Variants in CENPK observed in about 807,000 individuals in gnomAD.
CENPK encodes centromere protein K.
In CENPK, 46 loss-of-function variants were observed where a neutral mutation model predicts 40.9. That is an observed-to-expected ratio of 1.13 (90% CI 0.89 to 1.44). The LOEUF is 1.44. Ranked by LOEUF, CENPK falls within the 40% of genes most tolerant of loss-of-function variation. The probability of loss-of-function intolerance (pLI) is 0.00; values close to 1 mark genes in which losing one functional copy is unlikely to be tolerated. For missense variants in CENPK, 288 were observed against 303.5 expected (o/e 0.95, Z 0.38); for synonymous variants, 107 against 104.4 (o/e 1.02, Z -0.15).
chr5:65,548,383 T>C (rs1193092296), intron 5 of CENPK, among the ~76,000 whole-genome samples: 1 of 152,224 alleles, frequency 6.6e-6, no homozygotes, highest in East Asian at 1.9e-4. Flanking sequence ...TGTAATGTTT[T>C]GCTGGTGGAA....
chr5:65,504,991 T>C, the CENPK span, among the ~76,000 whole-genome samples: 164 of 152,298 alleles, frequency 1.1e-3, 1 homozygote, highest in Non-Finnish European at 2.0e-3. Flanking sequence ...TCATAGAATA[T>C]AGTGAATAGT....
chr5:65,514,347 T>G (rs1229256558), downstream of CENPK, among the ~76,000 whole-genome samples: 1 of 140,932 alleles, frequency 7.1e-6, no homozygotes, highest in East Asian at 2.3e-4. Context: ...CACTGCAACC[T>G]CCCCATCCCA....
chr5:65,552,424 C>A, intron 4 of CENPK, 69 bp downstream of exon 4: 1 of 963,332 alleles, frequency 1.0e-6, no homozygotes. Context: ...TACAGACACA[C>A]ATATTTATTT....
intron 2 of CENPK, among the ~76,000 whole-genome samples, chr5:65,559,287 C>T (rs1751512756): frequency 6.6e-6 from 1 of 152,178 alleles, no homozygotes. Context: ...AACCAAAATC[C>T]TGAAAGTTTT....
intron 5 of CENPK, among the ~76,000 whole-genome samples, chr5:65,545,964 A>C (rs1193091200): frequency 1.3e-5 from 2 of 152,232 alleles, no homozygotes; most frequent in Non-Finnish European, 2.9e-5. Flanking sequence ...AAGATTGAGA[A>C]AATGTTGATA....
intron 2 of CENPK, among the ~76,000 whole-genome samples, chr5:65,559,630 G>GA (rs1166225346): frequency 0.012 from 466 of 37,664 alleles, 6 homozygotes; most frequent in African/African-American, 0.032. Flanking sequence ...CTCCGTCTCA[G>GA]AAAAAAAAAA....
At chr5:65,520,469 A>G (rs372727405) in intron 10 of CENPK, among the ~76,000 whole-genome samples, 72 of 152,300 alleles carry the variant, frequency 4.7e-4, no homozygotes, top group African/African-American at 1.7e-3. Flanking sequence ...AAAATTATAC[A>G]TGTAATACCT....
intron 6 of CENPK, among the ~76,000 whole-genome samples, chr5:65,538,776 G>T (rs1438165191): frequency 3.3e-5 from 5 of 152,134 alleles, no homozygotes; most frequent in Admixed American, 2.0e-4. Context: ...TGAGTCAAGA[G>T]CCTCACTAGT....
chr5:65,551,573 T>C lies in CENPK; in HGVS notation c.232A>G (p.Thr78Ala), dbSNP rs549718297. Residue 78 changes from threonine to alanine, a missense_variant, in exon 5 of 11, where the codon ACA becomes GCA. Coordinates refer to ENST00000396679, the MANE Select transcript of CENPK (RefSeq NM_022145.5). ...AAAATAAGAATCTTACTTTCAGGTG[T>C]TTTTTTCTGCCATTGACTGAGTTCA... is the stretch of plus-strand genomic sequence containing the variant. The part of the protein sequence containing the change: ...TAELSQWQKK[T>A]PETIPLTEDV... 83 of 1,542,208 alleles carry C rather than the reference T, an allele frequency of 5.4e-5. 2 individuals are homozygous for C. In the South Asian group the frequency reaches 1.0e-3, roughly 19 times the overall value.
intron 5 of CENPK, among the ~76,000 whole-genome samples, chr5:65,546,018 T>C (rs1748877261): frequency 6.6e-6 from 1 of 152,248 alleles, no homozygotes; most frequent in African/African-American, 2.4e-5. Flanking sequence ...TAACTCTCTA[T>C]ATATGTATTT....
At chr5:65,519,557 T>C (rs573542747) in intron 10 of CENPK, among the ~76,000 whole-genome samples, 51 of 152,296 alleles carry the variant, frequency 3.3e-4, no homozygotes, top group African/African-American at 1.1e-3. Flanking sequence ...TATCTCTGAA[T>C]TGTCAGGCCA....
chr5:65,546,170 C>T (rs1351943990), intron 5 of CENPK, among the ~76,000 whole-genome samples: 3 of 152,216 alleles, frequency 2.0e-5, no homozygotes, highest in Non-Finnish European at 4.4e-5. Flanking sequence ...CAGTAGGACT[C>T]GATATTTAGT....
At chr5:65,498,627 CTT>C in the CENPK span, among the ~76,000 whole-genome samples, 18 of 135,850 alleles carry the variant, frequency 1.3e-4, no homozygotes, top group African/African-American at 5.2e-4. Flanking sequence ...CTTTCTTTTT[CTT>C]TTTTCTTTTT....
the CENPK span, among the ~76,000 whole-genome samples, chr5:65,510,856 A>G: frequency 2.6e-5 from 4 of 151,918 alleles, no homozygotes; most frequent in African/African-American, 9.7e-5. Flanking sequence ...TGGGAATGGG[A>G]CTGGTGGCTT....
chr5:65,541,726 G>T (rs1006977107), intron 6 of CENPK, among the ~76,000 whole-genome samples: 1 of 152,128 alleles, frequency 6.6e-6, no homozygotes, highest in African/African-American at 2.4e-5. Flanking sequence ...TTAAAGGTCT[G>T]CTCACAGCAA....
In CENPK at chr5:65,554,817, T is replaced by G; in HGVS notation, c.91A>C (p.Met31Leu). The G allele has an allele frequency of 6.3e-7, 1 of 1,575,314 alleles. No homozygotes were observed. Among genetic ancestry groups the G allele is most frequent in the Non-Finnish European group, 8.7e-7 (1 of 1,145,134 alleles). Residue 31 changes from methionine (M) to leucine (L), a missense_variant, in exon 3 of 11, where the codon ATG becomes CTG. By Grantham distance (15) the Met-to-Leu change is conservative. Transcript: ENST00000396679. Reference protein sequence around the residue: ...EEELIRECEEMWKDMEECQNK... With the variant: ...EEELIRECEELWKDMEECQNK... Reference sequence around the variant, plus strand: ...CTTACTTCTTCCATATCTTTCCACATTTCTTCACATTCTCTAATAAGTTCT... The same window carrying G: ...CTTACTTCTTCCATATCTTTCCACAGTTCTTCACATTCTCTAATAAGTTCT...
At chr5:65,503,753 G>A in the CENPK span, among the ~76,000 whole-genome samples, 1 of 151,642 alleles carries the variant, frequency 6.6e-6, no homozygotes, top group East Asian at 2.0e-4. Context: ...TGCCTCCTGG[G>A]TTCAAGCAAT....
At chr5:65,514,993 AATTTC>A (rs1742763441), downstream of CENPK, among the ~76,000 whole-genome samples, 1 of 151,682 alleles carries the variant, frequency 6.6e-6, no homozygotes, top group Non-Finnish European at 1.5e-5. Context: ...CTTTTCATTG[AATTTC>A]ATTTGTTTCA....
At chr5:65,497,423 AGT>A in the CENPK span, among the ~76,000 whole-genome samples, 15 of 152,196 alleles carry the variant, frequency 9.9e-5, no homozygotes, top group African/African-American at 3.6e-4. Context: ...AGTCACCCTT[AGT>A]GATAAGAAAC....
Sources: allele counts gnomAD v4.1 joint callset (sites outside exome capture counted in the v4.1 genomes callset), GRCh38; gene constraint gnomAD v4.1.1; transcripts MANE v1.5; gene names NCBI Gene and HGNC (gene_info 2026-07-23, HGNC 2026-07-21).